PKD1L1: variants seen among roughly 807,000 people sequenced by gnomAD.
PKD1L1 encodes the protein polycystin 1 like 1, transient receptor potential channel interacting, also known as polycystin-1-like protein 1.
In PKD1L1, 236 loss-of-function variants were observed where a neutral mutation model predicts 323.4. The ratio of observed to expected loss-of-function variants is 0.73; its 90% CI spans 0.66 to 0.81. PKD1L1 has a LOEUF of 0.81. Among genes scored for constraint, PKD1L1 ranks in the 40% least tolerant of loss-of-function variants. The probability of loss-of-function intolerance (pLI) is 0.00; values close to 1 mark genes in which losing one functional copy is unlikely to be tolerated. For synonymous variants in PKD1L1, 1,344 were observed against 1,335.0 expected, an observed-to-expected ratio of 1.01 and a Z score of -0.15; for missense variants, 3,320 against 3,508.0, an observed-to-expected ratio of 0.95 and a Z score of 1.35.
chr7:47,870,024 T>C (rs938300078), intron 24 of PKD1L1, among the ~76,000 whole-genome samples: 12 of 152,072 alleles, frequency 7.9e-5, no homozygotes, highest in African/African-American at 2.7e-4. Flanking sequence ...GCAACAAGAA[T>C]TACAAAATGC....
intron 55 of PKD1L1, chr7:47,795,306 A>G: frequency 2.2e-6 from 1 of 454,816 alleles, no homozygotes; most frequent in Non-Finnish European, 4.4e-6. Flanking sequence ...TGTGATAGTG[A>G]AGAAGTCTCA....
chr7:47,943,919 A>G (rs1563002275), intron 1 of PKD1L1, among the ~76,000 whole-genome samples: 1 of 152,082 alleles, frequency 6.6e-6, no homozygotes, highest in African/African-American at 2.4e-5. Context: ...CAGCCCTAAG[A>G]GCACATTCTT....
chr7:47,779,895 T>C (rs923965855), intron 56 of PKD1L1, among the ~76,000 whole-genome samples: 11 of 152,232 alleles, frequency 7.2e-5, no homozygotes, highest in African/African-American at 2.7e-4. Context: ...AAAGAGCACT[T>C]GTTATGCACA....
chr7:47,776,407 C>T lies in PKD1L1; in HGVS notation c.8527-1241G>A, dbSNP rs953450818. On this transcript the variant is annotated intron_variant, in intron 56 of 56. Coordinates refer to ENST00000289672, the MANE Select transcript of PKD1L1 (RefSeq NM_138295.5). The stretch of plus-strand genomic sequence containing the variant: ...AACAAAACCCAGGGTCCCCCATTGT[C>T]ACTGGCTGCTTCTCCCTTGAGGAAT... 6.6e-5 allele frequency among the ~76,000 whole-genome samples: 10 copies of T among 152,320 alleles called. No homozygotes were observed. The East Asian group carries it at 1.9e-3, about 29-fold the overall frequency.
chr7:47,798,104 A>G (rs372799040), intron 54 of PKD1L1, among the ~76,000 whole-genome samples: 1 of 152,256 alleles, frequency 6.6e-6, no homozygotes, highest in African/African-American at 2.4e-5. Context: ...ATTCTAAAAC[A>G]TATTGAAAGG....
chr7:47,798,919 TACA>T (rs2128725375), intron 54 of PKD1L1, among the ~76,000 whole-genome samples: 1 of 152,290 alleles, frequency 6.6e-6, no homozygotes, highest in East Asian at 1.9e-4. Context: ...TATCAAAATT[TACA>T]ACTTCTGCTC....
intron 2 of PKD1L1, among the ~76,000 whole-genome samples, chr7:47,941,265 A>G (rs1787980288): frequency 1.3e-5 from 2 of 152,184 alleles, no homozygotes; most frequent in South Asian, 4.1e-4. Context: ...TCTTAACCCC[A>G]GTCTGTTATT....
At chr7:47,940,652 G>T (rs1465979526) in intron 2 of PKD1L1, among the ~76,000 whole-genome samples, 1 of 152,242 alleles carries the variant, frequency 6.6e-6, no homozygotes, top group East Asian at 1.9e-4. Context: ...GCTCAGGGGT[G>T]TGTAGTAGAG....
At position 47,835,205 on chromosome 7, in the gene PKD1L1, C is replaced by T. The variant is rs754831941; in HGVS notation, c.5982G>A (p.Arg1994=). The T allele has an allele frequency of 6.3e-6, 10 of 1,589,624 alleles. No individual in the cohort carries two copies. The South Asian group carries it at 1.0e-4, about 17-fold the overall frequency. The change falls in exon 38 of 57, where the codon AGG becomes AGA. Residue 1994 remains arginine (R), a synonymous_variant. Transcript: ENST00000289672. Reference sequence around the variant, plus strand: ...CCAGGAGGGTACACAGGAGACCCACCCTGAAGGATCCAAGGGTGGGGCTGA... The same window carrying T: ...CCAGGAGGGTACACAGGAGACCCACTCTGAAGGATCCAAGGGTGGGGCTGA... ...LDVSPTLGSF[R]VGLLCTLLAS... is the part of the protein sequence containing the mutation.
Position 47,873,953 on chromosome 7 carries a change from A to G in PKD1L1, c.3842T>C (p.Val1281Ala), listed in dbSNP as rs1316710723. The change falls in exon 24 of 57, where the codon GTG becomes GCG. Residue 1281 changes from valine (V) to alanine (A), a missense_variant. By Grantham distance (64) the Val-to-Ala change is moderately conservative (BLOSUM62 0). Transcript: ENST00000289672. ...GKGSKVQPCT[V>A]VVTVLPRYHG... ...GTAGCGGGGCAGCACAGTCACCACCACAGTGCACGGCTGGACCTTGGAGCC... is the reference window on the plus strand; with the variant it reads ...GTAGCGGGGCAGCACAGTCACCACCGCAGTGCACGGCTGGACCTTGGAGCC... 3.7e-6 allele frequency: 6 copies of G among 1,613,966 alleles called. No individual in the cohort carries two copies. Among genetic ancestry groups the G allele is most frequent in the Non-Finnish European group, 5.1e-6 (6 of 1,179,990 alleles).
At chr7:47,955,072 T>G in the PKD1L1 span, among the ~76,000 whole-genome samples, 1 of 152,162 alleles carries the variant, frequency 6.6e-6, no homozygotes, top group African/African-American at 2.4e-5. Flanking sequence ...AGCCTACAAC[T>G]TAATAACTGG....
chr7:47,810,213 G>A (rs983676310), intron 50 of PKD1L1, among the ~76,000 whole-genome samples: 9 of 152,126 alleles, frequency 5.9e-5, no homozygotes, highest in African/African-American at 1.9e-4. Context: ...CCATTGGCCC[G>A]CTGTAAGGAG....
At chr7:47,875,980 T>A (rs1283741865) in intron 23 of PKD1L1, 117 bp downstream of exon 23, 2 of 1,154,938 alleles carry the variant, frequency 1.7e-6, no homozygotes. Context: ...TGAAAAGCAT[T>A]AAACTGATCA....
At chr7:47,925,307 C>T (rs1478752891) in intron 7 of PKD1L1, among the ~76,000 whole-genome samples, 2 of 151,870 alleles carry the variant, frequency 1.3e-5, no homozygotes, top group Admixed American at 6.6e-5. Flanking sequence ...GCCAGGAGTT[C>T]GAGACCAGCC....
At chr7:47,857,557 A>G in intron 28 of PKD1L1, 48 bp downstream of exon 28, 1 of 1,530,644 alleles carries the variant, frequency 6.5e-7, no homozygotes, top group Non-Finnish European at 9.0e-7. Flanking sequence ...CAATTACTGC[A>G]AATTTGAAAT....
intron 8 of PKD1L1, 130 bp downstream of exon 8, chr7:47,915,302 G>T (rs1787404046): frequency 1.7e-6 from 1 of 589,562 alleles, no homozygotes. Flanking sequence ...CCACACACAG[G>T]ACACCGTAGC....
intron 13 of PKD1L1, 145 bp downstream of exon 13, chr7:47,902,234 G>C (rs1242556161): frequency 8.1e-7 from 1 of 1,235,676 alleles, no homozygotes; most frequent in Non-Finnish European, 1.1e-6. Flanking sequence ...AGCCCTTATA[G>C]GCACTCCTTT....
intron 56 of PKD1L1, among the ~76,000 whole-genome samples, chr7:47,790,396 T>C (rs948907658): frequency 2.0e-5 from 3 of 151,674 alleles, no homozygotes; most frequent in African/African-American, 7.3e-5. Flanking sequence ...AGTGGCACAA[T>C]CTCGGCTCAC....
chr7:47,920,432 G>A (rs1787513575), intron 7 of PKD1L1, among the ~76,000 whole-genome samples: 1 of 152,068 alleles, frequency 6.6e-6, no homozygotes, highest in Non-Finnish European at 1.5e-5. Flanking sequence ...GCTCATGGAT[G>A]AGTAGAATCA....
Sources: allele counts gnomAD v4.1 joint callset (sites outside exome capture counted in the v4.1 genomes callset), GRCh38; gene constraint gnomAD v4.1.1; transcripts MANE v1.5; gene names NCBI Gene and HGNC (gene_info 2026-07-23, HGNC 2026-07-21).